HYAL4: variants seen among roughly 807,000 people sequenced by gnomAD.
HYAL4 encodes hyaluronidase 4.
Under a neutral mutation model 35.2 loss-of-function variants are expected in HYAL4, and 37 were observed. The observed-to-expected ratio is 1.05, with a 90% CI of 0.81 to 1.38. HYAL4 has a LOEUF of 1.38. HYAL4 is among the 40% of genes most tolerant of loss of function. HYAL4 has a pLI of 0.00. For missense variants in HYAL4, 572 were observed against 572.4 expected (o/e 1.00, Z 0.01); for synonymous variants, 198 against 203.2 (o/e 0.97, Z 0.22).
chr7:123,778,186 TATCTATCTATC>T, the HYAL4 span, among the ~76,000 whole-genome samples: 5 of 151,088 alleles, frequency 3.3e-5, no homozygotes, highest in East Asian at 7.7e-4. Context: ...TCTATCTATC[TATCTATCTATC>T]ACCTATTCGT....
chr7:123,830,539 ACAACAACACAG>A (rs1805864754), intron 1 of HYAL4, among the ~76,000 whole-genome samples: 1 of 152,214 alleles, frequency 6.6e-6, no homozygotes, highest in Non-Finnish European at 1.5e-5. Flanking sequence ...TTAGAAAACA[ACAACAACACAG>A]CACTCTTTAT....
At chr7:123,818,981 A>G in the HYAL4 span, among the ~76,000 whole-genome samples, 16 of 152,294 alleles carry the variant, frequency 1.1e-4, no homozygotes, top group Admixed American at 3.3e-4. Context: ...CAAGAATACA[A>G]TATGTTGTCA....
chr7:123,849,284 T>TCC (rs912535534), intron 2 of HYAL4, among the ~76,000 whole-genome samples: 1 of 149,472 alleles, frequency 6.7e-6, no homozygotes, highest in African/African-American at 2.5e-5. Context: ...TCTCTCTCTC[T>TCC]CCCTCTCTCT....
the HYAL4 span, among the ~76,000 whole-genome samples, chr7:123,788,283 A>G: frequency 2.0e-5 from 3 of 152,330 alleles, no homozygotes; most frequent in African/African-American, 4.8e-5. Context: ...TGTCTCAGAA[A>G]AAAATGCTCA....
In HYAL4 at chr7:123,848,176, T is replaced by G. The variant is rs944182648; in HGVS notation, c.-52+18T>G. On this transcript the variant is annotated intron_variant, in intron 2 of 4. Transcript: ENST00000223026. Reference sequence around the variant, plus strand: ...AAGCAAAGGTAAAATAGACTTTTTTTTCCTGTTTGTAAAAATTTTAAAAAT... The same window carrying G: ...AAGCAAAGGTAAAATAGACTTTTTTGTCCTGTTTGTAAAAATTTTAAAAAT... 6.6e-6 allele frequency: 1 copy of G among 152,652 alleles called. No individual in the cohort carries two copies. The highest frequency in any genetic ancestry group is 2.4e-5 in the African/African-American group (1 of 41,466). 9.5% of individuals were successfully genotyped at this position (152,652 alleles called of 1,614,324 possible). A position where few individuals can be genotyped will look rare whatever the true frequency, so the allele number is the denominator to read the frequency against.
chr7:123,813,873 C>T, the HYAL4 span, among the ~76,000 whole-genome samples: 3 of 152,114 alleles, frequency 2.0e-5, no homozygotes, highest in Non-Finnish European at 2.9e-5. Context: ...TATTCAGAAT[C>T]ATAGGAAATT....
chr7:123,865,433 C>T (rs1431581140), intron 2 of HYAL4, among the ~76,000 whole-genome samples: 1 of 151,976 alleles, frequency 6.6e-6, no homozygotes, highest in Non-Finnish European at 1.5e-5. Context: ...AATTAGATTC[C>T]CTTGAAAATA....
At chr7:123,810,867 T>G in the HYAL4 span, among the ~76,000 whole-genome samples, 1 of 152,236 alleles carries the variant, frequency 6.6e-6, no homozygotes, top group Non-Finnish European at 1.5e-5. Context: ...AATTTTTTTA[T>G]TGTCTCCATA....
At chr7:123,807,096 A>G in the HYAL4 span, among the ~76,000 whole-genome samples, 1 of 152,130 alleles carries the variant, frequency 6.6e-6, no homozygotes, top group Non-Finnish European at 1.5e-5. Context: ...TTCCCTGCTT[A>G]TTTCTGAAGG....
chr7:123,764,570 C>T, the HYAL4 span, among the ~76,000 whole-genome samples: 1 of 152,102 alleles, frequency 6.6e-6, no homozygotes, highest in Non-Finnish European at 1.5e-5. Context: ...ATGATTAAAG[C>T]ATATAGTAGG....
chr7:123,852,453 A>G (rs867047617), intron 2 of HYAL4, among the ~76,000 whole-genome samples: 1 of 152,226 alleles, frequency 6.6e-6, no homozygotes, highest in Non-Finnish European at 1.5e-5. Context: ...AGTTTTCTGC[A>G]TATGGCTAGC....
the HYAL4 span, among the ~76,000 whole-genome samples, chr7:123,789,921 CAG>C: frequency 7.3e-5 from 11 of 150,308 alleles, no homozygotes; most frequent in Non-Finnish European, 1.0e-4. Context: ...ATGAGTGAGC[CAG>C]AGAGAGAGAG....
intron 2 of HYAL4, among the ~76,000 whole-genome samples, chr7:123,857,217 G>A (rs761812578): frequency 6.6e-6 from 1 of 152,092 alleles, no homozygotes; most frequent in Non-Finnish European, 1.5e-5. Flanking sequence ...GGTGTTCCAG[G>A]TGCCACTGGG....
At chr7:123,819,573 C>A in the HYAL4 span, 1 of 152,148 alleles carries the variant, frequency 6.6e-6, no homozygotes, top group South Asian at 2.1e-4. Context: ...CAGGGTCTAA[C>A]ATTGAGCACC....
upstream of HYAL4, among the ~76,000 whole-genome samples, chr7:123,840,840 G>A (rs1305688341): frequency 2.0e-5 from 3 of 152,002 alleles, no homozygotes; most frequent in Admixed American, 2.0e-4. Flanking sequence ...TTGATTTTGT[G>A]TCCTGAGACC....
chr7:123,869,093 A>G lies in HYAL4; in HGVS notation c.820A>G (p.Ile274Val), dbSNP rs916641574. Residue 274 changes from isoleucine (I) to valine (V), a missense_variant, in exon 3 of 5, where the codon ATT becomes GTT. By Grantham distance (29) the Ile-to-Val change is conservative. Transcript: ENST00000223026. ...VWKSLGDSEN[I>V]LRFSKFRVHE... ...GAAATCCCTTGGAGACAGTGAAAAC[A>G]TTTTGCGCTTCTCCAAATTTCGGGT... 6.2e-7 allele frequency: 1 copy of G among 1,614,122 alleles called. No homozygotes were observed. Among genetic ancestry groups the G allele is most frequent in the Non-Finnish European group, 8.5e-7 (1 of 1,180,024 alleles).
At chr7:123,808,021 C>A in the HYAL4 span, among the ~76,000 whole-genome samples, 1 of 150,826 alleles carries the variant, frequency 6.6e-6, no homozygotes, top group African/African-American at 2.4e-5. Flanking sequence ...ACAATACTCC[C>A]ACCTCGGCCC....
intron 1 of HYAL4, among the ~76,000 whole-genome samples, chr7:123,847,720 G>A (rs1335084778): frequency 2.0e-5 from 3 of 152,122 alleles, no homozygotes; most frequent in Non-Finnish European, 2.9e-5. Context: ...GGAGGTTGCC[G>A]TGAGCTGAGA....
chr7:123,853,660 T>TTC (rs1562997945), intron 2 of HYAL4, among the ~76,000 whole-genome samples: 1 of 152,336 alleles, frequency 6.6e-6, no homozygotes, highest in East Asian at 1.9e-4. Context: ...TGCATCTATG[T>TTC]TCATCAGGGA....
Sources: gnomAD v4.1 joint callset for allele counts (sites outside exome capture counted in the v4.1 genomes callset) on GRCh38, gnomAD v4.1.1 for gene constraint, MANE v1.5 for transcripts, NCBI Gene and HGNC (gene_info 2026-07-23, HGNC 2026-07-21) for gene names.